MYO18A: variants seen among roughly 807,000 people sequenced by gnomAD.
MYO18A encodes the protein myosin XVIIIA.
MYO18A carries 78 observed loss-of-function variants against 235.8 expected under a neutral mutation model. The observed-to-expected ratio is 0.33, with a 90% confidence interval of 0.28 to 0.40. The LOEUF (loss-of-function observed/expected upper bound fraction) is 0.40, where lower values mean the gene tolerates loss of function less well. Ranked by LOEUF, MYO18A falls within the 10% of genes least tolerant of loss-of-function variation. The probability of loss-of-function intolerance (pLI) is 1.00; values close to 1 mark genes in which losing one functional copy is unlikely to be tolerated. For synonymous variants in MYO18A, 977 were observed against 1,077.8 expected, an observed-to-expected ratio of 0.91 and a Z score of 1.83; for missense variants, 2,215 against 2,699.3, an observed-to-expected ratio of 0.82 and a Z score of 3.98.
chr17:29,121,641 C>A lies in MYO18A; in HGVS notation c.1277G>T (p.Arg426Leu). Residue 426 changes from arginine (R) to leucine (L), a missense_variant, in exon 5 of 42, where the codon CGC becomes CTC. Transcript: ENST00000527372. This position sits in a 1 kb window ranked among gnomAD's most constrained non-coding sequence, Gnocchi z 4.2. ...CAGCAGGCTAGCGCCATAGCGCTGGCGCAAGGTGTGCAGGACGCTGGACTC... is the reference window on the plus strand; with the variant it reads ...CAGCAGGCTAGCGCCATAGCGCTGGAGCAAGGTGTGCAGGACGCTGGACTC... ...LNESSVLHTLRQRYGASLLHT... is the reference protein window; with the variant it reads ...LNESSVLHTLLQRYGASLLHT... 1 of 1,576,096 alleles carries A rather than the reference C, an allele frequency of 6.3e-7. No individual in the cohort carries two copies. The highest frequency in any genetic ancestry group is 8.6e-7 in the Non-Finnish European group (1 of 1,161,176).
Position 29,093,313 on chromosome 17 carries a change from A to T in MYO18A, c.4926+10T>A, listed in dbSNP as rs1251753416. The T allele has an allele frequency of 2.5e-6, 4 of 1,606,034 alleles. No homozygotes were observed. Among genetic ancestry groups the T allele is most frequent in the Non-Finnish European group, 2.6e-6 (3 of 1,176,282 alleles). On this transcript the variant is annotated intron_variant, in intron 32 of 41. Coordinates refer to ENST00000527372, the MANE Select transcript of MYO18A (RefSeq NM_078471.4). The stretch of plus-strand genomic sequence containing the variant: ...GCCGGCCAGGCTTGGTGGGTGGAGC[A>T]TCCCCTGACCTGGTCGCTGAGGGTG...
intron 41 of MYO18A, 119 bp from the exon 42 acceptor site, chr17:29,075,033 G>A (rs1056045960): frequency 1.6e-6 from 2 of 1,239,674 alleles, no homozygotes. Context: ...GCCAAACATT[G>A]TTAAGTAAAA....
chr17:29,107,138 A>G lies in MYO18A; in HGVS notation c.3383T>C (p.Leu1128Pro). 6.2e-7 allele frequency: 1 copy of G among 1,614,014 alleles called. No homozygotes were observed. ...GTGTTTCTTGGTCAGGTGCGGGGCC[A>G]GGACATCAAAGCGGCGGCGGAACTC... ...FSEFRRRFDV[L>P]APHLTKKHGR... Residue 1128 changes from leucine (L) to proline (P), a missense_variant, in exon 20 of 42, where the codon CTG (leucine) becomes CCG (proline). Transcript: ENST00000527372.
chr17:29,109,859 T>A lies in MYO18A; in HGVS notation c.3330A>T (p.Gln1110His). 1 of 1,554,146 alleles carries A rather than the reference T, an allele frequency of 6.4e-7. No individual in the cohort carries two copies. Among genetic ancestry groups the A allele is most frequent in the Non-Finnish European group, 8.7e-7 (1 of 1,148,456 alleles). ...RLLDAMRMYR[Q>H]GYPDHMVFSE... is the part of the protein sequence containing the mutation. ...AGTGGAGAGGAAAGGAGGCCCCACCTTGGCGGTACATGCGCATGGCATCGA... is the reference window on the plus strand; with the variant it reads ...AGTGGAGAGGAAAGGAGGCCCCACCATGGCGGTACATGCGCATGGCATCGA... The change falls in exon 19 of 42, where the codon CAA becomes CAT. Residue 1110 changes from glutamine (Q) to histidine (H), a missense_variant and splice_region_variant. Gln to His is a conservative substitution (Grantham distance 24, BLOSUM62 0). Coordinates refer to ENST00000527372, the MANE Select transcript of MYO18A (RefSeq NM_078471.4). The surrounding 1 kb of genome is among the most constrained non-coding windows in gnomAD (Gnocchi z 4.1).
At chr17:29,172,623 T>C (rs528088817) in intron 1 of MYO18A, among the ~76,000 whole-genome samples, 171 of 152,330 alleles carry the variant, frequency 1.1e-3, no homozygotes, top group Non-Finnish European at 1.4e-3. Flanking sequence ...AAATGAAATA[T>C]ATTTAATTAC....
Position 29,111,685 on chromosome 17 carries a change from G to A in MYO18A, c.2740+37C>T, listed in dbSNP as rs778878321. On this transcript the variant is annotated intron_variant, in intron 16 of 41. Transcript: ENST00000527372. The surrounding 1 kb of genome is among the most constrained non-coding windows in gnomAD (Gnocchi z 5.1). The stretch of plus-strand genomic sequence containing the variant: ...CACCTGGACCCACCTGTATGTAAGA[G>A]GAAGCAGAGGAGCTACCCTCTAGGG... 4.3e-6 allele frequency: 7 copies of A among 1,612,526 alleles called. No homozygotes were observed. Among genetic ancestry groups the A allele is most frequent in the African/African-American group, 1.3e-5 (1 of 74,838 alleles).
intron 36 of MYO18A, chr17:29,090,303 G>C (rs931215769): frequency 5.7e-6 from 4 of 699,342 alleles, no homozygotes; most frequent in Non-Finnish European, 9.4e-6. Flanking sequence ...AGAGAGAAAG[G>C]AGAAAGCTAA....
chr17:29,111,447 G>A lies in MYO18A; in HGVS notation c.2877C>T (p.Pro959=), dbSNP rs1437579619. Reference sequence around the variant, plus strand: ...ACTTCTGGGAGTCCTGCAGGAGCCGGGGGGCATTCTGGGTGGCTGGGTTCT... The same window carrying A: ...ACTTCTGGGAGTCCTGCAGGAGCCGAGGGGCATTCTGGGTGGCTGGGTTCT... ...TKQNPATQNA[P]RLLQDSQKKI... is the part of the protein sequence containing the mutation. The change falls in exon 17 of 42, where the codon CCC becomes CCT. Residue 959 remains proline (P), a synonymous_variant. Coordinates refer to ENST00000527372, the MANE Select transcript of MYO18A (RefSeq NM_078471.4). This position sits in a 1 kb window ranked among gnomAD's most constrained non-coding sequence, Gnocchi z 5.1. 16 of 1,612,304 alleles carry A rather than the reference G, an allele frequency of 9.9e-6. No individual in the cohort carries two copies. The highest frequency in any genetic ancestry group is 1.4e-5 in the Non-Finnish European group (16 of 1,179,350).
In MYO18A at chr17:29,085,628, T is replaced by G. The variant is rs371828071; in HGVS notation, c.5873A>C (p.Lys1958Thr). 2.2e-5 allele frequency: 35 copies of G among 1,614,008 alleles called. No individual in the cohort carries two copies. In the African/African-American group the frequency reaches 3.2e-4, roughly 15 times the overall value. The change falls in exon 40 of 42, where the codon AAG becomes ACG. Residue 1958 changes from lysine (K) to threonine (T), a missense_variant. Coordinates refer to ENST00000527372, the MANE Select transcript of MYO18A (RefSeq NM_078471.4). ...LINSLQDMVT[K>T]YQKRKNKLEG... ...CAGTTTATTCTTTCTTTTCTGATACTTTGTCACCATGTCCTGCAAACTGGA... is the reference window on the plus strand; with the variant it reads ...CAGTTTATTCTTTCTTTTCTGATACGTTGTCACCATGTCCTGCAAACTGGA...
At chr17:29,173,726 C>T (rs2068460285) in intron 1 of MYO18A, among the ~76,000 whole-genome samples, 1 of 152,126 alleles carries the variant, frequency 6.6e-6, no homozygotes. Flanking sequence ...ATTACTTTTG[C>T]ACCAACTAAT....
intron 2 of MYO18A, chr17:29,133,613 C>G (rs1247318979): frequency 1.0e-5 from 4 of 392,514 alleles, no homozygotes; most frequent in South Asian, 5.9e-5. Context: ...AGTGCAGGAG[C>G]CCATCCAGCC....
intron 41 of MYO18A, chr17:29,078,827 G>GGAGAGCTGGGGGAGGCAT (rs1490993422): frequency 6.6e-6 from 1 of 152,346 alleles, no homozygotes; most frequent in Non-Finnish European, 1.5e-5. Flanking sequence ...GGGGGAGGCA[G>GGAGAGCTGGGGGAGGCAT]GAGAGCCAGG....
chr17:29,142,971 C>G (rs1482819037), intron 2 of MYO18A, among the ~76,000 whole-genome samples: 1 of 152,136 alleles, frequency 6.6e-6, no homozygotes, highest in East Asian at 1.9e-4. Flanking sequence ...CCACGCCCAG[C>G]TAATTTTTGT....
intron 38 of MYO18A, 27 bp from the exon 39 acceptor site, chr17:29,086,604 G>T (rs1431400228): frequency 1.9e-6 from 3 of 1,609,550 alleles, no homozygotes; most frequent in Non-Finnish European, 1.7e-6. Context: ...AGCCCAGTTT[G>T]CAGGAGGGCT....
In MYO18A at chr17:29,118,754, A is replaced by T. The variant is rs908326142; in HGVS notation, c.1830-314T>A. ...GGCAGAGACGATGCCCTCAGTTACA[A>T]GAAGGGCTAAAGAGGACAATGGCCT... On this transcript the variant is annotated intron_variant, in intron 8 of 41. Transcript: ENST00000527372. The surrounding 1 kb of genome is among the most constrained non-coding windows in gnomAD (Gnocchi z 4.2). 6.6e-6 allele frequency among the ~76,000 whole-genome samples: 1 copy of T among 152,246 alleles called. No homozygotes were observed. The highest frequency in any genetic ancestry group is 1.5e-5 in the Non-Finnish European group (1 of 68,044).
chr17:29,124,361 C>T (rs2067269340), intron 2 of MYO18A, among the ~76,000 whole-genome samples: 2 of 152,216 alleles, frequency 1.3e-5, no homozygotes, highest in East Asian at 1.9e-4. Flanking sequence ...CTCAACCAGG[C>T]CCCCCTTGGG....
chr17:29,099,859 G>T (rs2066612888), intron 21 of MYO18A, 97 bp from the exon 22 acceptor site: 1 of 1,508,854 alleles, frequency 6.6e-7, no homozygotes, highest in Non-Finnish European at 8.9e-7. Context: ...GCAGGCCAGG[G>T]AGTACAGCCC....
intron 2 of MYO18A, among the ~76,000 whole-genome samples, chr17:29,160,896 C>T (rs2068157864): frequency 6.6e-6 from 1 of 152,186 alleles, no homozygotes; most frequent in African/African-American, 2.4e-5. Flanking sequence ...CCTTTAAGAC[C>T]CCCTCTCCCT....
chr17:29,102,127 T>C (rs1325535252), intron 21 of MYO18A, among the ~76,000 whole-genome samples: 1 of 152,200 alleles, frequency 6.6e-6, no homozygotes, highest in East Asian at 1.9e-4. Context: ...AGCTCTGCCC[T>C]TGAGTGACAG....
Sources: gnomAD v4.1 joint callset for allele counts (sites outside exome capture counted in the v4.1 genomes callset) on GRCh38, gnomAD v4.1.1 for gene constraint, Gnocchi (gnomAD v3.1) non-coding constraint, MANE v1.5 for transcripts, NCBI Gene and HGNC (gene_info 2026-07-23, HGNC 2026-07-21) for gene names.